The following POLE variants were observed in gnomAD, a reference collection of about 807,000 sequenced individuals.
POLE encodes DNA polymerase epsilon catalytic subunit A.
In POLE, 188 loss-of-function variants were observed where a neutral mutation model predicts 279.2. The observed-to-expected ratio is 0.67, with a 90% CI of 0.60 to 0.76. The LOEUF is 0.76. Among genes scored for constraint, POLE ranks in the 30% least tolerant of loss-of-function variants. POLE has a pLI of 0.00. For missense variants in POLE, 2,703 were observed against 3,016.7 expected (o/e 0.90, Z 2.44); for synonymous variants, 1,214 against 1,172.5 (o/e 1.04, Z -0.72).
chr12:132,681,345 T>A lies in POLE; in HGVS notation c.63-66A>T, dbSNP rs911981710. ...CACCTGCTGCTGCTTCTTTTTTTCT[T>A]TTTTTTCTTTTTTTTTGAGACGGAG... On this transcript the variant is annotated intron_variant, in intron 1 of 48. Coordinates refer to ENST00000320574, the MANE Select transcript of POLE (RefSeq NM_006231.4). 6 of 1,514,676 alleles carry A rather than the reference T, an allele frequency of 4.0e-6. No homozygotes were observed. The African/African-American group carries it at 8.7e-5, about 22-fold the overall frequency. The allele number at this position is 1,514,676 out of a possible 1,614,324, so 93.8% of individuals were successfully genotyped here.
At chr12:132,683,237 T>G (rs978614876) in intron 1 of POLE, among the ~76,000 whole-genome samples, 1 of 151,976 alleles carries the variant, frequency 6.6e-6, no homozygotes. Flanking sequence ...GAGATTCTGC[T>G]TAGCTGGGTG....
intron 16 of POLE, among the ~76,000 whole-genome samples, chr12:132,670,625 G>A (rs1185496837): frequency 6.7e-6 from 1 of 148,254 alleles, no homozygotes; most frequent in Non-Finnish European, 1.5e-5. Context: ...CGAGTAGCTG[G>A]GACTACAGGT....
intron 44 of POLE, 26 bp from the exon 45 acceptor site, chr12:132,632,534 G>C (rs771787326): frequency 6.2e-7 from 1 of 1,611,766 alleles, no homozygotes; most frequent in Non-Finnish European, 8.5e-7. Flanking sequence ...TGCTGAGGGA[G>C]GGGTCTGGGA....
intron 3 of POLE, 119 bp from the exon 4 acceptor site, chr12:132,680,341 C>A: frequency 2.2e-6 from 2 of 921,680 alleles, no homozygotes; most frequent in South Asian, 1.4e-5. Flanking sequence ...TAGCCTTGAC[C>A]TTGGTAGCAT....
intron 45 of POLE, 68 bp from the exon 46 acceptor site, chr12:132,626,385 A>AGGGTTCTGGTCCAG: frequency 6.8e-7 from 1 of 1,472,346 alleles, no homozygotes; most frequent in Non-Finnish European, 9.5e-7. Flanking sequence ...TCTGGACCAG[A>AGGGTTCTGGTCCAG]ACCCTCTGGA....
rs376095661 is a variant in POLE, at chr12:132,673,595, T to G, written c.1339A>C (p.Met447Leu). ...CGTGCCTGGGGCTGCTCCGTGGCCA[T>G]CCGGCACATGTCCTCCGGGTCTAGC... ...VELDPEDMCR[M>L]ATEQPQTLAT... Residue 447 changes from methionine (M) to leucine (L), a missense_variant, in exon 13 of 49, where the codon ATG (methionine) becomes CTG (leucine). Met to Leu is a conservative substitution (Grantham distance 15). This residue lies in a region of POLE where 1,011 missense variants were observed against 1,111.7 expected (regional missense o/e 0.91). Transcript: ENST00000320574. The G allele has an allele frequency of 5.6e-6, 9 of 1,613,074 alleles. No homozygotes were observed. Among genetic ancestry groups the G allele is most frequent in the Non-Finnish European group, 7.6e-6 (9 of 1,179,986 alleles).
At chr12:132,632,276 G>A (rs200587701) in intron 45 of POLE, 39 bp downstream of exon 45, 117 of 1,510,972 alleles carry the variant, frequency 7.7e-5, no homozygotes, top group African/African-American at 1.2e-4. Flanking sequence ...ACACATGTAC[G>A]TTAGTGTCCT....
rs771596984 is a variant in POLE, at chr12:132,668,341, T to C, written c.2173+15A>G. On this transcript the variant is annotated intron_variant, in intron 19 of 48. Transcript: ENST00000320574. The surrounding 1 kb of genome is among the most constrained non-coding windows in gnomAD (Gnocchi z 4.0). Reference sequence around the variant, plus strand: ...AGCCACATCTTTACAGCCGTGACCATGCCCAGGCACTCACCCGCCAGCCTT... The same window carrying C: ...AGCCACATCTTTACAGCCGTGACCACGCCCAGGCACTCACCCGCCAGCCTT... 6 of 1,553,100 alleles carry C rather than the reference T, an allele frequency of 3.9e-6. No individual in the cohort carries two copies. Among genetic ancestry groups the C allele is most frequent in the Admixed American group, 1.9e-5 (1 of 52,630 alleles).
At position 132,661,390 on chromosome 12, in the gene POLE, T is replaced by A; in HGVS notation, c.2864+137A>T. 1 of 1,059,588 alleles carries A rather than the reference T, an allele frequency of 9.4e-7. No homozygotes were observed. The highest frequency in any genetic ancestry group is 1.4e-6 in the Non-Finnish European group (1 of 725,968). 65.6% of individuals were successfully genotyped at this position (1,059,588 alleles called of 1,614,324 possible). A position where few individuals can be genotyped will look rare whatever the true frequency, so the allele number is the denominator to read the frequency against. On this transcript the variant is annotated intron_variant, in intron 24 of 48. Transcript: ENST00000320574. This position sits in a 1 kb window ranked among gnomAD's most constrained non-coding sequence, Gnocchi z 4.1. Reference sequence around the variant, plus strand: ...ACAGCAGGCGGGCAGACAGAGCTGGTGCAAACGGAATCAGTAAGATCACAA... The same window carrying A: ...ACAGCAGGCGGGCAGACAGAGCTGGAGCAAACGGAATCAGTAAGATCACAA...
intron 29 of POLE, among the ~76,000 whole-genome samples, chr12:132,656,133 G>A (rs151263550): frequency 2.1e-3 from 319 of 152,182 alleles, no homozygotes; most frequent in South Asian, 6.0e-3. Flanking sequence ...ATGGTGGTGT[G>A]TGCCTATAAT....
Position 132,675,966 on chromosome 12 carries a change from G to T in POLE, c.1020+128C>A. On this transcript the variant is annotated intron_variant, in intron 10 of 48. Coordinates refer to ENST00000320574, the MANE Select transcript of POLE (RefSeq NM_006231.4). This position sits in a 1 kb window ranked among gnomAD's most constrained non-coding sequence, Gnocchi z 4.3. Reference sequence around the variant, plus strand: ...CCGCCCGTCTCTGGCAGAAAAGACGGTCATACCCTGAGAACAAAGCTCATG... The same window carrying T: ...CCGCCCGTCTCTGGCAGAAAAGACGTTCATACCCTGAGAACAAAGCTCATG... 1.1e-6 allele frequency: 1 copy of T among 942,442 alleles called. No individual in the cohort carries two copies. Among genetic ancestry groups the T allele is most frequent in the Non-Finnish European group, 1.7e-6 (1 of 602,922 alleles). The allele number at this position is 942,442 out of a possible 1,614,324, so 58.4% of individuals were successfully genotyped here.
chr12:132,659,222 C>T (rs1284774084), intron 26 of POLE, 73 bp downstream of exon 26: 14 of 1,478,172 alleles, frequency 9.5e-6, no homozygotes, highest in Middle Eastern at 2.2e-4. Context: ...CTCACCTCTC[C>T]GTGACGGAGG....
intron 32 of POLE, among the ~76,000 whole-genome samples, chr12:132,645,804 AC>A (rs1211863216): frequency 6.8e-6 from 1 of 146,082 alleles, no homozygotes; most frequent in African/African-American, 2.5e-5. Context: ...ACACACCCAC[AC>A]ACACACACAC....
rs1312925183 is a variant in POLE at position 132,672,347 on chromosome 12, G to T, written c.1687-25C>A. Reference sequence around the variant, plus strand: ...TCTAGCACAACAGTGAGACGACGGGGTCAGAGGGGAAACACACCCACACTA... The same window carrying T: ...TCTAGCACAACAGTGAGACGACGGGTTCAGAGGGGAAACACACCCACACTA... On this transcript the variant is annotated intron_variant, in intron 15 of 48. Coordinates refer to ENST00000320574, the MANE Select transcript of POLE (RefSeq NM_006231.4). 2.5e-6 allele frequency: 4 copies of T among 1,578,508 alleles called. No homozygotes were observed. In the Admixed American group the frequency reaches 5.0e-5, roughly 20 times the overall value.
At chr12:132,662,639 T>C (rs1191384158) in intron 23 of POLE, among the ~76,000 whole-genome samples, 1 of 152,184 alleles carries the variant, frequency 6.6e-6, no homozygotes, top group East Asian at 1.9e-4. Flanking sequence ...TTTTACATCA[T>C]TCTTCTCGGA....
chr12:132,679,672 G>A lies in POLE; in HGVS notation c.424-21C>T, dbSNP rs769704050. ...TTTGGCTATAATGCGAAGAGATCAC[G>A]CTCATTGGTTCAAGAGAAATAGGAC... On this transcript the variant is annotated intron_variant, in intron 5 of 48. Coordinates refer to ENST00000320574, the MANE Select transcript of POLE (RefSeq NM_006231.4). 10 of 1,598,586 alleles carry A rather than the reference G, an allele frequency of 6.3e-6. No homozygotes were observed. The highest frequency in any genetic ancestry group is 2.2e-5 in the South Asian group (2 of 90,658).
At chr12:132,685,834 G>C (rs992322233) in intron 1 of POLE, among the ~76,000 whole-genome samples, 9 of 152,056 alleles carry the variant, frequency 5.9e-5, no homozygotes, top group African/African-American at 9.7e-5. Context: ...ATTTTGTTCA[G>C]CTAAGTGTCT....
rs2042854455 is a variant in POLE at position 132,668,708 on chromosome 12, A to C, written c.1953T>G (p.Cys651Trp). Residue 651 changes from cysteine (C) to tryptophan (W), a missense_variant, in exon 18 of 49, where the codon TGT becomes TGG. Coordinates refer to ENST00000320574, the MANE Select transcript of POLE (RefSeq NM_006231.4). The surrounding 1 kb of genome is among the most constrained non-coding windows in gnomAD (Gnocchi z 4.0). ...QPSAMVDEAT[C>W]AACDFNKPGA... ...CAGGCTTATTGAAGTCACAGGCAGC[A>C]CAGGTGGCTTCGTCCACCATGGCAG... 1 of 1,614,110 alleles carries C rather than the reference A, an allele frequency of 6.2e-7. No individual in the cohort carries two copies. The highest frequency in any genetic ancestry group is 8.5e-7 in the Non-Finnish European group (1 of 1,179,952).
chr12:132,669,046 T>C (rs555038464), intron 16 of POLE, 107 bp from the exon 17 acceptor site: 30 of 1,058,122 alleles, frequency 2.8e-5, no homozygotes, highest in East Asian at 8.0e-5. Flanking sequence ...GAAAAATATA[T>C]AAATAGAGCA....
Sources: allele counts gnomAD v4.1 joint callset (sites outside exome capture counted in the v4.1 genomes callset), GRCh38; gene constraint gnomAD v4.1.1; regional missense constraint gnomAD v4.1.1; non-coding constraint Gnocchi (gnomAD v3.1); transcripts MANE v1.5; gene names NCBI Gene and HGNC (gene_info 2026-07-23, HGNC 2026-07-21).